RTL9: variants seen among roughly 807,000 people sequenced by gnomAD.
RTL9 encodes retrotransposon Gag-like protein 9.
In RTL9, 19 loss-of-function variants were observed where a neutral mutation model predicts 44.7. That is an observed-to-expected ratio of 0.42 (90% CI 0.30 to 0.62). RTL9 has a LOEUF of 0.62. RTL9 is among the 20% of genes least tolerant of loss of function. The probability of loss-of-function intolerance (pLI) is 0.16; values close to 1 mark genes in which losing one functional copy is unlikely to be tolerated. For synonymous variants in RTL9, 407 were observed against 398.9 expected (o/e 1.02, Z -0.24); for missense variants, 1,105 against 1,080.6 (o/e 1.02, Z -0.32).
At chrX:110,400,603 T>C (rs1294948017) in intron 1 of RTL9, among the ~76,000 whole-genome samples, 1 of 111,724 alleles carries the variant, frequency 9.0e-6, no homozygotes. Context: ...TAACATATGC[T>C]ATTCCCTTTA....
In RTL9 at chrX:110,409,458, G is replaced by A. The variant is rs2068626269; in HGVS notation, c.-167-35695G>A. On this transcript the variant is annotated intron_variant, in intron 1 of 2. Coordinates refer to the RTL9 transcript ENST00000520821. ...GACCTCACTACCTAAAAAGAGGGCTGTTTTCCAGCTTAGCTGTACCTCTTT... is the reference window on the plus strand; with the variant it reads ...GACCTCACTACCTAAAAAGAGGGCTATTTTCCAGCTTAGCTGTACCTCTTT... Among the ~76,000 whole-genome samples the A allele has an allele frequency of 3.6e-5, 4 of 111,600 alleles. No individual in the cohort carries two copies. In the Admixed American group the frequency reaches 3.8e-4, roughly 11 times the overall value.
At chrX:110,362,060 T>C (rs1299888474) in intron 1 of RTL9, among the ~76,000 whole-genome samples, 3 of 111,859 alleles carry the variant, frequency 2.7e-5, no homozygotes, top group African/African-American at 9.7e-5. Flanking sequence ...ACATCTAGAA[T>C]AGTACCTGGC....
upstream of RTL9, among the ~76,000 whole-genome samples, chrX:110,414,661 A>G (rs747742853): frequency 8.9e-6 from 1 of 112,757 alleles, no homozygotes; most frequent in East Asian, 2.8e-4. Context: ...ATCTTGATGA[A>G]TTATTGTGAC....
At chrX:110,453,876 A>T in exon 1 of RTL9, 1 of 1,211,987 alleles carries the variant, frequency 8.3e-7, no homozygotes, top group Non-Finnish European at 1.1e-6. Context: ...CACACCACAG[A>T]CAGCCTTTGG....
intron 1 of RTL9, among the ~76,000 whole-genome samples, chrX:110,427,324 G>C (rs1034812763): frequency 3.6e-5 from 4 of 111,902 alleles, no homozygotes; most frequent in South Asian, 3.8e-4. Flanking sequence ...CAACACCTGA[G>C]ACTTGAGGCT....
At chrX:110,450,494 C>A, upstream of RTL9, 1 of 583,681 alleles carries the variant, frequency 1.7e-6, no homozygotes, top group Non-Finnish European at 2.8e-6. Flanking sequence ...AGGTCTCCAC[C>A]ATGAACAATT....
upstream of RTL9, among the ~76,000 whole-genome samples, chrX:110,415,402 A>G (rs1240235786): frequency 8.9e-6 from 1 of 112,263 alleles, no homozygotes; most frequent in African/African-American, 3.2e-5. Context: ...GAGTTGTGTT[A>G]GAGTGGTGAG....
intron 1 of RTL9, among the ~76,000 whole-genome samples, chrX:110,431,453 A>G (rs940197947): frequency 4.5e-5 from 5 of 110,043 alleles, no homozygotes; most frequent in Non-Finnish European, 7.6e-5. Context: ...ATAACTCACC[A>G]GTTCACATGG....
exon 1 of RTL9, chrX:110,454,021 C>G (rs1329568305): frequency 1.7e-6 from 2 of 1,210,449 alleles, no homozygotes; most frequent in Middle Eastern, 2.3e-4. Context: ...AAACCACCAC[C>G]AAAGGAAGTG....
At chrX:110,373,149 G>A (rs1384536178) in intron 1 of RTL9, among the ~76,000 whole-genome samples, 1 of 111,560 alleles carries the variant, frequency 9.0e-6, no homozygotes, top group Non-Finnish European at 1.9e-5. Flanking sequence ...AGTAACTTGC[G>A]CAGCTAGGAG....
At chrX:110,369,323 T>C (rs1274084909) in intron 1 of RTL9, among the ~76,000 whole-genome samples, 1 of 111,280 alleles carries the variant, frequency 9.0e-6, no homozygotes, top group Non-Finnish European at 1.9e-5. Context: ...CAGAGCAAGA[T>C]TCTGTCTCAG....
intron 1 of RTL9, among the ~76,000 whole-genome samples, chrX:110,420,608 G>C (rs1036450530): frequency 1.8e-5 from 2 of 112,194 alleles, no homozygotes; most frequent in Non-Finnish European, 3.8e-5. Context: ...CAAACTTTCA[G>C]TGTTCCAATC....
upstream of RTL9, among the ~76,000 whole-genome samples, chrX:110,417,977 T>C (rs1012607300): frequency 2.7e-5 from 3 of 112,727 alleles, no homozygotes; most frequent in African/African-American, 9.7e-5. Context: ...GAGCAATGAA[T>C]TGTGCCTGCA....
intron 1 of RTL9, among the ~76,000 whole-genome samples, chrX:110,386,426 C>T (rs2068455658): frequency 9.1e-6 from 1 of 109,646 alleles, no homozygotes; most frequent in South Asian, 3.8e-4. Context: ...ATTTGCATTT[C>T]TCTGATGGTT....
At chrX:110,409,763 G>A (rs746214516) in intron 1 of RTL9, among the ~76,000 whole-genome samples, 1 of 111,273 alleles carries the variant, frequency 9.0e-6, no homozygotes, top group Non-Finnish European at 1.9e-5. Context: ...AGCCTTCAGG[G>A]CTCCTGATAA....
intron 1 of RTL9, among the ~76,000 whole-genome samples, chrX:110,375,540 G>T (rs1308630359): frequency 2.3e-5 from 2 of 87,750 alleles, no homozygotes; most frequent in Non-Finnish European, 4.1e-5. Flanking sequence ...ATGAATAGAT[G>T]AATGAATGAA....
At chrX:110,378,329 G>A (rs889810952) in intron 1 of RTL9, among the ~76,000 whole-genome samples, 2 of 111,070 alleles carry the variant, frequency 1.8e-5, no homozygotes, top group African/African-American at 6.6e-5. Flanking sequence ...CCCTAGTTCA[G>A]TTCTTCATCT....
At chrX:110,427,151 C>T (rs2068760051) in intron 1 of RTL9, among the ~76,000 whole-genome samples, 1 of 112,228 alleles carries the variant, frequency 8.9e-6, no homozygotes, top group Admixed American at 9.4e-5. Context: ...CACCTCCAGA[C>T]ATCTCTTGCC....
At chrX:110,398,506 C>A (rs963923421) in intron 1 of RTL9, among the ~76,000 whole-genome samples, 8 of 112,475 alleles carry the variant, frequency 7.1e-5, no homozygotes, top group African/African-American at 2.6e-4. Flanking sequence ...ATCCTTCACT[C>A]AGTTTCTCCT....
Sources: gnomAD v4.1 joint callset for allele counts (sites outside exome capture counted in the v4.1 genomes callset) on GRCh38, gnomAD v4.1.1 for gene constraint, MANE v1.5 for transcripts, NCBI Gene and HGNC (gene_info 2026-07-23, HGNC 2026-07-21) for gene names.